The following TM9SF1 variants were observed in gnomAD, a reference collection of about 807,000 sequenced individuals.
The protein encoded by TM9SF1 is MP70 protein family member.
TM9SF1 carries 25 observed loss-of-function variants against 52.4 expected under a neutral mutation model. The observed-to-expected ratio is 0.48, with a 90% CI of 0.35 to 0.67. The LOEUF is 0.67. Ranked by LOEUF, TM9SF1 falls within the 30% of genes least tolerant of loss-of-function variation. The pLI, the probability that TM9SF1 is intolerant of heterozygous loss-of-function variation, is 0.01. For synonymous variants in TM9SF1, 284 were observed against 299.8 expected (o/e 0.95, Z 0.55); for missense variants, 604 against 780.3 (o/e 0.77, Z 2.69).
rs2039334757 is a variant in TM9SF1 at position 24,192,381 on chromosome 14, A to C, written c.968-25T>G. On this transcript the variant is annotated intron_variant, in intron 3 of 5. Coordinates refer to ENST00000261789, the MANE Select transcript of TM9SF1 (RefSeq NM_006405.7). The surrounding 1 kb of genome is among the most constrained non-coding windows in gnomAD (Gnocchi z 4.0). ...CCTGCAGGACGGTAGCGGAAAGCCC[A>C]AGTTAGGCCTCACCTGTGTCTCTTC... 6.2e-7 allele frequency: 1 copy of C among 1,603,630 alleles called. No homozygotes were observed. The highest frequency in any genetic ancestry group is 1.3e-5 in the African/African-American group (1 of 74,728).
Position 24,192,458 on chromosome 14 carries a change from CA to C in TM9SF1, c.968-103del. The C allele has an allele frequency of 7.0e-7, 1 of 1,424,598 alleles. No homozygotes were observed. The highest frequency in any genetic ancestry group is 1.3e-5 in the South Asian group (1 of 77,108). The allele number at this position is 1,424,598 out of a possible 1,614,324, so 88.2% of individuals were successfully genotyped here. On this transcript the variant is annotated intron_variant, in intron 3 of 5. Transcript: ENST00000261789. The surrounding 1 kb of genome is among the most constrained non-coding windows in gnomAD (Gnocchi z 4.0). The stretch of plus-strand genomic sequence containing the variant: ...CTTCTCCCAGACCCAGGGCCTCCAG[CA>C]AAACAATCTCCCCCAGTTTTGCTAT...
At chr14:24,190,315 G>C in intron 5 of TM9SF1, 65 bp downstream of exon 5, 1 of 1,529,828 alleles carries the variant, frequency 6.5e-7, no homozygotes, top group South Asian at 1.3e-5. Context: ...TACTGGATGA[G>C]TAGGGACAGG....
rs1274390000 is a variant in TM9SF1 at position 24,190,866 on chromosome 14, T to G, written c.1154-213A>C. Reference sequence around the variant, plus strand: ...TTTGTTCTGTGTTTTTTTTTTTTTTTTTTTTTTTTTTTTGAGACAGAGTCT... The same window carrying G: ...TTTGTTCTGTGTTTTTTTTTTTTTTGTTTTTTTTTTTTTGAGACAGAGTCT... On this transcript the variant is annotated intron_variant, in intron 4 of 5. Transcript: ENST00000261789. Among the ~76,000 whole-genome samples the G allele has an allele frequency of 1.1e-4, 15 of 135,696 alleles. 1 individual carries two copies. Among genetic ancestry groups the G allele is most frequent in the African/African-American group, 3.4e-4 (12 of 35,548 alleles). The allele number at this position is 135,696 out of a possible 152,430, so 89.0% of individuals were successfully genotyped here.
At position 24,192,459 on chromosome 14, in the gene TM9SF1, A is replaced by G; in HGVS notation, c.968-103T>C. 1 of 1,425,108 alleles carries G rather than the reference A, an allele frequency of 7.0e-7. No homozygotes were observed. Among genetic ancestry groups the G allele is most frequent in the Non-Finnish European group, 9.5e-7 (1 of 1,051,792 alleles). The allele number at this position is 1,425,108 out of a possible 1,614,324, so 88.3% of individuals were successfully genotyped here. ...TTCTCCCAGACCCAGGGCCTCCAGCAAAACAATCTCCCCCAGTTTTGCTAT... is the reference window on the plus strand; with the variant it reads ...TTCTCCCAGACCCAGGGCCTCCAGCGAAACAATCTCCCCCAGTTTTGCTAT... On this transcript the variant is annotated intron_variant, in intron 3 of 5. Transcript: ENST00000261789. The surrounding 1 kb of genome is among the most constrained non-coding windows in gnomAD (Gnocchi z 4.0).
At position 24,194,807 on chromosome 14, in the gene TM9SF1, C is replaced by T. The variant is rs1461184967; in HGVS notation, c.213G>A (p.Lys71=). The T allele has an allele frequency of 3.7e-6, 6 of 1,614,244 alleles. No individual in the cohort carries two copies. The highest frequency in any genetic ancestry group is 2.2e-5 in the East Asian group (1 of 44,892). ...YYQLPVCCPE[K]IRHKSLSLGE... ...CCAGGCTAAGGCTTTTGTGACGTAT[C>T]TTCTCAGGGCAGCAGACTGGAAGCT... Residue 71 remains lysine (K), a synonymous_variant, in exon 2 of 6, where the codon AAG becomes AAA. Transcript: ENST00000261789.
At chr14:24,190,934 T>A (rs1230009412) in intron 4 of TM9SF1, among the ~76,000 whole-genome samples, 1 of 138,926 alleles carries the variant, frequency 7.2e-6, no homozygotes, top group African/African-American at 2.8e-5. Flanking sequence ...CGATCTCTGC[T>A]CACTGCAAGC....
In TM9SF1 at chr14:24,189,553, A is replaced by G; in HGVS notation, c.1683T>C (p.Ser561=). Residue 561 remains serine (S), a synonymous_variant, in exon 6 of 6, where the codon TCT becomes TCC. Transcript: ENST00000261789. ...VFYYARRSNM[S]GAVQTVEFFG... Reference sequence around the variant, plus strand: ...AGAACTCTACTGTCTGTACTGCCCCAGACATGTTGGAGCGCCGGGCATAAT... The same window carrying G: ...AGAACTCTACTGTCTGTACTGCCCCGGACATGTTGGAGCGCCGGGCATAAT... 6.2e-7 allele frequency: 1 copy of G among 1,614,226 alleles called. No individual in the cohort carries two copies. Among genetic ancestry groups the G allele is most frequent in the Non-Finnish European group, 8.5e-7 (1 of 1,180,044 alleles).
At position 24,189,481 on chromosome 14, in the gene TM9SF1, G is replaced by C. The variant is rs746885044; in HGVS notation, c.1755C>G (p.Gly585=). 6.2e-7 allele frequency: 1 copy of C among 1,614,162 alleles called. No homozygotes were observed. Among genetic ancestry groups the C allele is most frequent in the Non-Finnish European group, 8.5e-7 (1 of 1,180,016 alleles). The change falls in exon 6 of 6, where the codon GGC becomes GGG. Residue 585 remains glycine (G), a synonymous_variant. Transcript: ENST00000261789. ...TTAGGGAAGAAAAAAAGGAGATGGT[G>C]CCCAGCATGAGGAAGAAGACATAAC... is the stretch of plus-strand genomic sequence containing the variant. ...LTGYVFFLML[G]TISFFSSLKF...
chr14:24,194,899 G>C lies in TM9SF1; in HGVS notation c.121C>G (p.Pro41Ala). 1 of 1,614,214 alleles carries C rather than the reference G, an allele frequency of 6.2e-7. No homozygotes were observed. The highest frequency in any genetic ancestry group is 1.3e-5 in the African/African-American group (1 of 75,052). Reference protein sequence around the residue: ...EGVTHYKAGDPVILYVNKVGP... With the variant: ...EGVTHYKAGDAVILYVNKVGP... ...ACTTTGTTGACATACAGAATAACAG[G>C]GTCGCCGGCCTTGTAGTGTGTCACG... Residue 41 changes from proline to alanine, a missense_variant, in exon 2 of 6, where the codon CCT becomes GCT. Around this residue, in one of 3 missense-constraint regions of TM9SF1, gnomAD observed 450 missense variants for 560.1 expected, o/e 0.80. Coordinates refer to ENST00000261789, the MANE Select transcript of TM9SF1 (RefSeq NM_006405.7).
In TM9SF1 at chr14:24,192,008, C is replaced by A; in HGVS notation, c.1153+163G>T. The A allele has an allele frequency of 1.4e-6, 1 of 694,126 alleles. No homozygotes were observed. The highest frequency in any genetic ancestry group is 1.7e-5 in the South Asian group (1 of 59,434). 43.0% of individuals were successfully genotyped at this position (694,126 alleles called of 1,614,324 possible). Reference sequence around the variant, plus strand: ...ATTTTTTGTTATAGAGAGAGGGTCTCACTATGTTGTCTAGGCTTGTCTCAA... The same window carrying A: ...ATTTTTTGTTATAGAGAGAGGGTCTAACTATGTTGTCTAGGCTTGTCTCAA... On this transcript the variant is annotated intron_variant, in intron 4 of 5. Transcript: ENST00000261789. This position sits in a 1 kb window ranked among gnomAD's most constrained non-coding sequence, Gnocchi z 4.0.
Position 24,190,590 on chromosome 14 carries a change from G to T in TM9SF1, c.1217C>A (p.Ala406Asp). The T allele has an allele frequency of 6.2e-7, 1 of 1,614,162 alleles. No individual in the cohort carries two copies. Among genetic ancestry groups the T allele is most frequent in the Non-Finnish European group, 8.5e-7 (1 of 1,180,034 alleles). The change falls in exon 5 of 6, where the codon GCT (alanine) becomes GAT (aspartate). Residue 406 changes from alanine to aspartate, a missense_variant. By Grantham distance (126) the Ala-to-Asp change is moderately radical. This residue lies in a region of TM9SF1 where 450 missense variants were observed against 560.1 expected (regional missense o/e 0.80). Transcript: ENST00000261789. ...CAGCAGGATGGTTGTGGCTGGCAGA[G>T]CCTGTGTCGAACCATTGGCCCAATG... Reference protein sequence around the residue: ...SVHWANGSTQALPATTILLLL... With the variant: ...SVHWANGSTQDLPATTILLLL...
At chr14:24,189,893 C>A in intron 5 of TM9SF1, 85 bp from the exon 6 acceptor site, 1 of 1,489,392 alleles carries the variant, frequency 6.7e-7, no homozygotes, top group Non-Finnish European at 8.9e-7. Context: ...CCCCCACCCT[C>A]TCCCATGTTG....
chr14:24,189,377 G>GA lies in TM9SF1; in HGVS notation c.*37dup, dbSNP rs1488120257. The GA allele has an allele frequency of 1.9e-6, 3 of 1,570,340 alleles. No individual in the cohort carries two copies. The Admixed American group carries it at 5.5e-5, about 29-fold the overall frequency. The stretch of plus-strand genomic sequence containing the variant: ...GTAGGAGAGTTCAACAGGGCATGAA[G>GA]AAAGGGAGAGAACAGCAATAGTTCT... On this transcript the variant is annotated 3_prime_UTR_variant, in exon 6 of 6. Transcript: ENST00000261789.
Position 24,194,965 on chromosome 14 carries a change from T to C in TM9SF1, c.55A>G (p.Ile19Val), listed in dbSNP as rs745683449. The C allele has an allele frequency of 1.9e-5, 31 of 1,614,038 alleles. No homozygotes were observed. The highest frequency in any genetic ancestry group is 2.6e-5 in the Non-Finnish European group (31 of 1,180,044). ...SWSCQWLPIL[I>V]LLLGTGHGPG... ...CCATGGCCTGTGCCCAGCAACAGTA[T>C]CAGGATTGGCAACCACTGGCAGCTC... is the stretch of plus-strand genomic sequence containing the variant. The change falls in exon 2 of 6, where the codon ATA (isoleucine) becomes GTA (valine). Residue 19 changes from isoleucine to valine, a missense_variant. By Grantham distance (29) the Ile-to-Val change is conservative. Transcript: ENST00000261789.
Position 24,189,183 on chromosome 14 carries a change from AAAG to A in TM9SF1, c.*229_*231del. On this transcript the variant is annotated 3_prime_UTR_variant, in exon 6 of 6. Transcript: ENST00000261789. ...ATAAATTTTATTTTGGTAATTGTAA[AAAG>A]AAAAATCAGGACCAAAACTAAAGGC... The A allele has an allele frequency of 4.1e-6, 2 of 482,196 alleles. No homozygotes were observed. The highest frequency in any genetic ancestry group is 3.2e-5 in the East Asian group (1 of 31,370). 29.9% of individuals were successfully genotyped at this position (482,196 alleles called of 1,614,324 possible).
At chr14:24,191,067 G>C (rs2039316954) in intron 4 of TM9SF1, among the ~76,000 whole-genome samples, 3 of 151,808 alleles carry the variant, frequency 2.0e-5, no homozygotes, top group Non-Finnish European at 4.4e-5. Flanking sequence ...GGGTTTCACT[G>C]TGTTAGCCAG....
chr14:24,194,907 G>T lies in TM9SF1; in HGVS notation c.113C>A (p.Ala38Asp). 1.9e-6 allele frequency: 3 copies of T among 1,614,220 alleles called. No homozygotes were observed. The highest frequency in any genetic ancestry group is 2.5e-6 in the Non-Finnish European group (3 of 1,180,038). ...PGVEGVTHYK[A>D]GDPVILYVNK... ...GACATACAGAATAACAGGGTCGCCG[G>T]CCTTGTAGTGTGTCACGCCTTCCAC... The change falls in exon 2 of 6, where the codon GCC becomes GAC. Residue 38 changes from alanine to aspartate, a missense_variant. Ala to Asp is a moderately radical substitution (Grantham distance 126). This residue lies in a region of TM9SF1 where 450 missense variants were observed against 560.1 expected (regional missense o/e 0.80). Coordinates refer to ENST00000261789, the MANE Select transcript of TM9SF1 (RefSeq NM_006405.7).
Position 24,192,551 on chromosome 14 carries a change from C to A in TM9SF1, c.967+97G>T. On this transcript the variant is annotated intron_variant, in intron 3 of 5. Coordinates refer to ENST00000261789, the MANE Select transcript of TM9SF1 (RefSeq NM_006405.7). The surrounding 1 kb of genome is among the most constrained non-coding windows in gnomAD (Gnocchi z 4.0). ...CACCCTATCCCTTAGGTCTGCCCCT[C>A]TGGATAGAAGAGAAGATCCACAGAC... The A allele has an allele frequency of 6.8e-7, 1 of 1,464,112 alleles. No homozygotes were observed. Among genetic ancestry groups the A allele is most frequent in the Non-Finnish European group, 9.2e-7 (1 of 1,090,730 alleles). 90.7% of individuals were successfully genotyped at this position (1,464,112 alleles called of 1,614,324 possible).
In TM9SF1 at chr14:24,194,553, G is replaced by C. The variant is rs534246409; in HGVS notation, c.345+122C>G. On this transcript the variant is annotated intron_variant, in intron 2 of 5. Transcript: ENST00000261789. ...ATCACCTAACCTGCCTGCCACACTG[G>C]GTTGTATTGTAGTTAGAATCAAATC... The C allele has an allele frequency of 1.5e-5, 14 of 935,152 alleles. No homozygotes were observed. In the East Asian group the frequency reaches 3.4e-4, roughly 23 times the overall value. 57.9% of individuals were successfully genotyped at this position (935,152 alleles called of 1,614,324 possible). A position where few individuals can be genotyped will look rare whatever the true frequency, so the allele number is the denominator to read the frequency against.
Sources: allele counts gnomAD v4.1 joint callset (sites outside exome capture counted in the v4.1 genomes callset), GRCh38; gene constraint gnomAD v4.1.1; regional missense constraint gnomAD v4.1.1; non-coding constraint Gnocchi (gnomAD v3.1); transcripts MANE v1.5; gene names NCBI Gene and HGNC (gene_info 2026-07-23, HGNC 2026-07-21).